RRN3: variants seen among roughly 807,000 people sequenced by gnomAD.
The protein encoded by RRN3 is RNA polymerase I transcription factor RRN3.
Under a neutral mutation model 82.3 loss-of-function variants are expected in RRN3, and 38 were observed. The ratio of observed to expected loss-of-function variants is 0.46; its 90% CI spans 0.36 to 0.61. The LOEUF (loss-of-function observed/expected upper bound fraction) is 0.61. Among genes scored for constraint, RRN3 ranks in the 20% least tolerant of loss-of-function variants. The pLI is 0.00. For synonymous variants in RRN3, 284 were observed against 284.3 expected, an observed-to-expected ratio of 1.00 and a Z score of 0.01; for missense variants, 726 against 793.1, an observed-to-expected ratio of 0.92 and a Z score of 1.02.
At chr16:15,068,794 A>G (rs1369213590) in intron 14 of RRN3, among the ~76,000 whole-genome samples, 7 of 152,234 alleles carry the variant, frequency 4.6e-5, no homozygotes, top group Non-Finnish European at 1.0e-4. Context: ...TTAGACAGAA[A>G]CCACTTTCTT....
At chr16:15,094,043 C>G in intron 1 of RRN3, 102 bp downstream of exon 1, 3 of 1,058,394 alleles carry the variant, frequency 2.8e-6, no homozygotes, top group Non-Finnish European at 4.3e-6. Flanking sequence ...GTGCTCCTAT[C>G]ACACGCCATG....
chr16:15,076,467 C>T, intron 10 of RRN3, 91 bp downstream of exon 10: 3 of 903,236 alleles, frequency 3.3e-6, no homozygotes, highest in Non-Finnish European at 5.6e-6. Context: ...TTAATTCTTT[C>T]AATCTAAAGC....
chr16:15,066,744 G>A (rs1362527097), intron 15 of RRN3, among the ~76,000 whole-genome samples: 2 of 151,172 alleles, frequency 1.3e-5, no homozygotes, highest in East Asian at 3.9e-4. Context: ...AAAGCTTTGT[G>A]TCAATATGGT....
At chr16:15,088,084 C>G (rs990112726) in intron 3 of RRN3, among the ~76,000 whole-genome samples, 1 of 151,860 alleles carries the variant, frequency 6.6e-6, no homozygotes, top group Admixed American at 6.6e-5. Flanking sequence ...CCACTGCACT[C>G]CAGCCTGGGC....
rs369050181 is a variant in RRN3, at chr16:15,065,744, T to C, written c.1554-373A>G. On this transcript the variant is annotated intron_variant, in intron 15 of 17. Transcript: ENST00000198767. ...ACTATAGGTGTCTTTATTTTTACTGTTTGCAAAAGAATTAGAAGGTTGGTG... is the reference window on the plus strand; with the variant it reads ...ACTATAGGTGTCTTTATTTTTACTGCTTGCAAAAGAATTAGAAGGTTGGTG... 5.9e-5 allele frequency among the ~76,000 whole-genome samples: 9 copies of C among 152,136 alleles called. No homozygotes were observed. In the East Asian group the frequency reaches 7.7e-4, roughly 13 times the overall value.
At chr16:15,062,568 G>A (rs1441894698) in intron 17 of RRN3, among the ~76,000 whole-genome samples, 2 of 152,272 alleles carry the variant, frequency 1.3e-5, no homozygotes, top group East Asian at 1.9e-4. Flanking sequence ...ATGTGACCTG[G>A]AGGGTATGTT....
Position 15,094,126 on chromosome 16 carries a change from G to A in RRN3, c.89+19C>T, listed in dbSNP as rs1246334111. The stretch of plus-strand genomic sequence containing the variant: ...AGCTTTCGTCCCAGATACGCAGAAG[G>A]AAGCGGCCTGAATCTTACCCAGTCC... On this transcript the variant is annotated intron_variant, in intron 1 of 17. Coordinates refer to ENST00000198767, the MANE Select transcript of RRN3 (RefSeq NM_018427.5). 5.7e-6 allele frequency: 9 copies of A among 1,581,938 alleles called. No homozygotes were observed. The highest frequency in any genetic ancestry group is 1.8e-5 in the Admixed American group (1 of 55,552).
At chr16:15,068,501 G>C (rs1414379561) in intron 14 of RRN3, among the ~76,000 whole-genome samples, 1 of 152,190 alleles carries the variant, frequency 6.6e-6, no homozygotes, top group Non-Finnish European at 1.5e-5. Flanking sequence ...CTTCTCTAAA[G>C]AAAACTTAGG....
At position 15,092,578 on chromosome 16, in the gene RRN3, G is replaced by A; in HGVS notation, c.126C>T (p.Phe42=). 1 of 1,613,184 alleles carries A rather than the reference G, an allele frequency of 6.2e-7. No homozygotes were observed. The highest frequency in any genetic ancestry group is 8.5e-7 in the Non-Finnish European group (1 of 1,179,278). ...SNMRALENDF[F]NSPPRKTVRF... is the part of the protein sequence containing the mutation. ...GAACAGTTTTTCTTGGGGGAGAATT[G>A]AAAAAGTCATTCTCTAATGCACGCA... Residue 42 remains phenylalanine (F), a synonymous_variant, in exon 2 of 18, where the codon TTC becomes TTT. Coordinates refer to ENST00000198767, the MANE Select transcript of RRN3 (RefSeq NM_018427.5).
At chr16:15,064,215 G>A (rs908702757) in intron 16 of RRN3, among the ~76,000 whole-genome samples, 4 of 150,874 alleles carry the variant, frequency 2.7e-5, no homozygotes, top group South Asian at 4.2e-4. Flanking sequence ...TCACTCTCTC[G>A]CCCAGGCTGG....
intron 9 of RRN3, among the ~76,000 whole-genome samples, chr16:15,077,580 G>A (rs1479313344): frequency 2.6e-5 from 4 of 152,174 alleles, no homozygotes; most frequent in Non-Finnish European, 5.9e-5. Flanking sequence ...AGTGGCTCAC[G>A]CCTGTAATCC....
chr16:15,077,111 C>G (rs1281488420), intron 9 of RRN3, among the ~76,000 whole-genome samples: 1 of 151,782 alleles, frequency 6.6e-6, no homozygotes, highest in Non-Finnish European at 1.5e-5. Flanking sequence ...TCCCGAGTAG[C>G]TGGGATTACA....
Position 15,060,179 on chromosome 16 carries a change from T to C in RRN3, c.*1565A>G. ...AATGTCTTTCTACATTAAAACTACT[T>C]CCCAACCCACAAAGACCCCACTTAC... On this transcript the variant is annotated 3_prime_UTR_variant, in exon 18 of 18. Transcript: ENST00000198767. 1 of 423,162 alleles carries C rather than the reference T, an allele frequency of 2.4e-6. No individual in the cohort carries two copies. The highest frequency in any genetic ancestry group is 4.7e-6 in the Non-Finnish European group (1 of 213,166). 26.2% of individuals were successfully genotyped at this position (423,162 alleles called of 1,614,324 possible).
chr16:15,085,481 G>GA (rs896349103), intron 6 of RRN3, among the ~76,000 whole-genome samples, 158 bp downstream of exon 6: 15 of 151,692 alleles, frequency 9.9e-5, no homozygotes, highest in African/African-American at 3.1e-4. Flanking sequence ...GAAAATATTT[G>GA]AAAAAAAATG....
Position 15,088,671 on chromosome 16 carries a change from T to A in RRN3, c.253-2217A>T, listed in dbSNP as rs535784545. Among the ~76,000 whole-genome samples, 62 of 152,158 alleles carry A rather than the reference T, an allele frequency of 4.1e-4. 1 individual carries two copies. Among genetic ancestry groups the A allele is most frequent in the African/African-American group, 1.5e-3 (62 of 41,504 alleles). ...CAGCTGTCTTTAAACAGTAACACAG[T>A]TGAGTCTTTTCTGGAAGTTCTGCTT... On this transcript the variant is annotated intron_variant, in intron 3 of 17. Transcript: ENST00000198767.
At chr16:15,065,889 G>T (rs2044949115) in intron 15 of RRN3, among the ~76,000 whole-genome samples, 1 of 152,224 alleles carries the variant, frequency 6.6e-6, no homozygotes, top group Admixed American at 6.5e-5. Flanking sequence ...ACTAAGTCAT[G>T]ACCTCAAAAA....
intron 9 of RRN3, 85 bp from the exon 10 acceptor site, chr16:15,076,735 C>G: frequency 1.1e-6 from 1 of 942,508 alleles, no homozygotes; most frequent in Non-Finnish European, 1.7e-6. Context: ...ATCTGATATA[C>G]GCATGTTCAA....
rs1382781749 is a variant in RRN3 at position 15,085,704 on chromosome 16, G to C, written c.473-6C>G. ...TTCCTTAATGATCACTCGGGCTTTT[G>C]AGGGAAAAAGAAAATATGTTATTCT... On this transcript the variant is annotated splice_polypyrimidine_tract_variant and splice_region_variant and intron_variant, in intron 5 of 17. Transcript: ENST00000198767. The C allele has an allele frequency of 6.2e-7, 1 of 1,612,720 alleles. No individual in the cohort carries two copies. Among genetic ancestry groups the C allele is most frequent in the East Asian group, 2.2e-5 (1 of 44,882 alleles).
At chr16:15,078,508 C>T (rs1364666291) in intron 9 of RRN3, among the ~76,000 whole-genome samples, 1 of 152,124 alleles carries the variant, frequency 6.6e-6, no homozygotes, top group Non-Finnish European at 1.5e-5. Context: ...TACCTTCTAA[C>T]CACTAAATCC....
Sources: gnomAD v4.1 joint callset for allele counts (sites outside exome capture counted in the v4.1 genomes callset) on GRCh38, gnomAD v4.1.1 for gene constraint, MANE v1.5 for transcripts, NCBI Gene and HGNC (gene_info 2026-07-23, HGNC 2026-07-21) for gene names.